Variants in PRKN observed in about 807,000 individuals in gnomAD.
PRKN encodes the protein parkin RBR E3 ubiquitin protein ligase.
A neutral mutation model predicts 59.5 loss-of-function variants in PRKN; 56 were observed. The ratio of observed to expected loss-of-function variants is 0.94; its 90% CI spans 0.76 to 1.18. The LOEUF (loss-of-function observed/expected upper bound fraction) is 1.18. PRKN is among the 50% of genes most tolerant of loss of function. The pLI is 0.00. For missense variants in PRKN, 657 were observed against 596.4 expected (o/e 1.10, Z -1.06); for synonymous variants, 250 against 222.1 (o/e 1.13, Z -1.12).
At chr6:162,408,706 G>T (rs1788199791) in intron 2 of PRKN, among the ~76,000 whole-genome samples, 1 of 152,148 alleles carries the variant, frequency 6.6e-6, no homozygotes, top group Non-Finnish European at 1.5e-5. Flanking sequence ...TTCTTTTTTG[G>T]TAAAGATCCC....
chr6:162,601,540 T>C (rs947413584), intron 1 of PRKN, among the ~76,000 whole-genome samples: 1 of 152,158 alleles, frequency 6.6e-6, no homozygotes. Flanking sequence ...TTCGTTTCTT[T>C]TAGGTTAGAG....
Position 162,498,535 on chromosome 6 carries a change from T to C in PRKN, c.8-55062A>G, listed in dbSNP as rs553409103. On this transcript the variant is annotated intron_variant, in intron 1 of 11. Coordinates refer to ENST00000366898, the MANE Select transcript of PRKN (RefSeq NM_004562.3). ...ATCTCGGTTGACTGCAACCTCTGCCTCCTGGGTTCAAGCGATTGTCCTGCC... is the reference window on the plus strand; with the variant it reads ...ATCTCGGTTGACTGCAACCTCTGCCCCCTGGGTTCAAGCGATTGTCCTGCC... 2.8e-5 allele frequency among the ~76,000 whole-genome samples: 4 copies of C among 143,380 alleles called. No individual in the cohort carries two copies. The South Asian group carries it at 9.5e-4, about 34-fold the overall frequency. 94.1% of individuals were successfully genotyped at this position (143,380 alleles called of 152,430 possible).
chr6:161,857,544 T>G (rs59178444), intron 6 of PRKN, among the ~76,000 whole-genome samples: 11,451 of 152,258 alleles, frequency 0.075, 475 homozygotes, highest in African/African-American at 0.12. Flanking sequence ...GCCCACATTT[T>G]CAATCTAGCA....
Position 161,456,208 on chromosome 6 carries a change from A to G in PRKN, c.1084-69331T>C, listed in dbSNP as rs527511032. On this transcript the variant is annotated intron_variant, in intron 9 of 11. Coordinates refer to ENST00000366898, the MANE Select transcript of PRKN (RefSeq NM_004562.3). This position sits in a 1 kb window ranked among gnomAD's most constrained non-coding sequence, Gnocchi z 4.8. The stretch of plus-strand genomic sequence containing the variant: ...GACTGGGAGAGGCAGACCCACCCTC[A>G]GTCAGGATGGGCGAAATTGAATCGG... 3.3e-5 allele frequency among the ~76,000 whole-genome samples: 5 copies of G among 152,348 alleles called. No homozygotes were observed. The highest frequency in any genetic ancestry group is 1.9e-4 in the East Asian group (1 of 5,168).
At chr6:162,459,477 A>G (rs1791056842) in intron 1 of PRKN, among the ~76,000 whole-genome samples, 1 of 152,182 alleles carries the variant, frequency 6.6e-6, no homozygotes, top group Non-Finnish European at 1.5e-5. Context: ...CAAAATTCAC[A>G]ATACAATTTT....
At chr6:162,139,271 G>A (rs78530656) in intron 4 of PRKN, among the ~76,000 whole-genome samples, 27,725 of 152,122 alleles carry the variant, frequency 0.18, 2,739 homozygotes, top group African/African-American at 0.25. Context: ...ACACTAACAC[G>A]CCTTAATTAA....
At chr6:162,719,964 C>T (rs1042806909) in intron 1 of PRKN, among the ~76,000 whole-genome samples, 13 of 151,684 alleles carry the variant, frequency 8.6e-5, no homozygotes, top group Non-Finnish European at 1.6e-4. Context: ...ATGTTCCTTC[C>T]TATTTCTCCA....
chr6:162,094,056 G>T (rs1779624944), intron 4 of PRKN, among the ~76,000 whole-genome samples: 1 of 152,250 alleles, frequency 6.6e-6, no homozygotes, highest in South Asian at 2.1e-4. Context: ...CTGGGCAGTG[G>T]TTCCATTTGT....
At position 161,785,760 on chromosome 6, in the gene PRKN, T is replaced by C. The variant is rs1220813453; in HGVS notation, c.871+12A>G. On this transcript the variant is annotated intron_variant, in intron 7 of 11. Transcript: ENST00000366898. Reference sequence around the variant, plus strand: ...TAGCATTAGAGATGGAGAGAAAACATGCTAGACTTACCCACACAAGGCAGG... The same window carrying C: ...TAGCATTAGAGATGGAGAGAAAACACGCTAGACTTACCCACACAAGGCAGG... 1 of 1,613,588 alleles carries C rather than the reference T, an allele frequency of 6.2e-7. No homozygotes were observed. Among genetic ancestry groups the C allele is most frequent in the South Asian group, 1.1e-5 (1 of 90,906 alleles).
chr6:162,191,553 C>T (rs1189684709), intron 4 of PRKN, among the ~76,000 whole-genome samples: 1 of 152,160 alleles, frequency 6.6e-6, no homozygotes, highest in Non-Finnish European at 1.5e-5. Context: ...AGTGATTCTC[C>T]TGCCTCAGCC....
Position 161,874,971 on chromosome 6 carries a change from A to C in PRKN, c.735-89063T>G, listed in dbSNP as rs1198401261. On this transcript the variant is annotated intron_variant, in intron 6 of 11. Coordinates refer to ENST00000366898, the MANE Select transcript of PRKN (RefSeq NM_004562.3). ...ATAGGTACTTTATATATAATATATA[A>C]TTTATTATATTATATACTTTATATA... Among the ~76,000 whole-genome samples, 15 of 105,966 alleles carry C rather than the reference A, an allele frequency of 1.4e-4. 3 individuals are homozygous for C. Among genetic ancestry groups the C allele is most frequent in the African/African-American group, 6.7e-4 (15 of 22,286 alleles). The allele number at this position is 105,966 out of a possible 152,430, so 69.5% of individuals were successfully genotyped here. A position where few individuals can be genotyped will look rare whatever the true frequency, so the allele number is the denominator to read the frequency against.
At chr6:162,253,249 G>T (rs117223106) in intron 3 of PRKN, among the ~76,000 whole-genome samples, 1,642 of 151,882 alleles carry the variant, frequency 0.011, 24 homozygotes, top group Admixed American at 0.027. Context: ...CTCTGTTAAC[G>T]AAACAGGCAT....
At chr6:162,179,968 CTGTGTGTGTGTGTG>C (rs61592555) in intron 4 of PRKN, among the ~76,000 whole-genome samples, 5 of 139,724 alleles carry the variant, frequency 3.6e-5, no homozygotes, top group African/African-American at 5.4e-5. Context: ...TATCTTATTA[CTGTGTGTGTGTGTG>C]TGTGTGTGTG....
intron 7 of PRKN, among the ~76,000 whole-genome samples, chr6:161,606,475 A>C (rs1031723316): frequency 2.0e-5 from 3 of 152,258 alleles, no homozygotes; most frequent in African/African-American, 7.2e-5. Context: ...CAGACTGAAC[A>C]AATGTGTTTA....
intron 6 of PRKN, among the ~76,000 whole-genome samples, chr6:161,872,294 T>A (rs1033042402): frequency 8.5e-5 from 13 of 152,088 alleles, no homozygotes; most frequent in Non-Finnish European, 5.9e-5. Flanking sequence ...GGTGAGAAGA[T>A]GAGCCATAAG....
chr6:162,397,733 G>A (rs750970477), intron 2 of PRKN, among the ~76,000 whole-genome samples: 2 of 152,036 alleles, frequency 1.3e-5, no homozygotes, highest in Non-Finnish European at 2.9e-5. Flanking sequence ...GAGCACACTC[G>A]GCAGTAGAAA....
At chr6:162,142,036 G>A (rs747129382) in intron 4 of PRKN, among the ~76,000 whole-genome samples, 1 of 152,126 alleles carries the variant, frequency 6.6e-6, no homozygotes, top group Non-Finnish European at 1.5e-5. Context: ...GTAAACACAT[G>A]ATCACTTATA....
chr6:161,752,060 T>C (rs756950027), intron 7 of PRKN, among the ~76,000 whole-genome samples: 11 of 152,244 alleles, frequency 7.2e-5, no homozygotes, highest in Non-Finnish European at 1.3e-4. Context: ...ATGAAGAATT[T>C]GTATTTTTCC....
intron 7 of PRKN, among the ~76,000 whole-genome samples, chr6:161,624,245 G>A (rs1304603525): frequency 4.6e-5 from 7 of 152,230 alleles, no homozygotes; most frequent in East Asian, 3.9e-4. Flanking sequence ...CATTAGTGGC[G>A]CCAAAAGCTA....
Sources: gnomAD v4.1 joint callset for allele counts (sites outside exome capture counted in the v4.1 genomes callset) on GRCh38, gnomAD v4.1.1 for gene constraint, Gnocchi (gnomAD v3.1) non-coding constraint, MANE v1.5 for transcripts, NCBI Gene and HGNC (gene_info 2026-07-23, HGNC 2026-07-21) for gene names.